The following DCC variants were observed in gnomAD, a reference collection of about 807,000 sequenced individuals.
The protein encoded by DCC is DCC netrin 1 receptor.
A neutral mutation model predicts 172.5 loss-of-function variants in DCC; 58 were observed. That is an observed-to-expected ratio of 0.34 (90% CI 0.27 to 0.42). The LOEUF is 0.42. DCC is among the 10% of genes least tolerant of loss of function. The pLI is 1.00. For missense variants in DCC, 1,740 were observed against 1,791.0 expected (o/e 0.97, Z 0.51); for synonymous variants, 709 against 644.5 (o/e 1.10, Z -1.52).
chr18:52,939,115 C>T (rs2040424149), intron 5 of DCC, among the ~76,000 whole-genome samples: 1 of 152,180 alleles, frequency 6.6e-6, no homozygotes. Flanking sequence ...ACCTTTCTAA[C>T]TTCATCACAT....
chr18:52,906,004 A>G (rs547350590), intron 2 of DCC, 40 bp from the exon 3 acceptor site: 1 of 1,356,184 alleles, frequency 7.4e-7, no homozygotes. Flanking sequence ...ATTGTGCTTT[A>G]TTTGGAAGAC....
intron 16 of DCC, 112 bp from the exon 17 acceptor site, chr18:53,391,543 A>T: frequency 1.4e-6 from 1 of 740,252 alleles, no homozygotes; most frequent in Admixed American, 1.9e-5. Flanking sequence ...CCCTTTCATC[A>T]TTATTGCCAT....
At chr18:53,078,185 G>A (rs1231928261) in intron 7 of DCC, among the ~76,000 whole-genome samples, 3 of 152,162 alleles carry the variant, frequency 2.0e-5, no homozygotes, top group South Asian at 4.2e-4. Flanking sequence ...CAGCTACTTG[G>A]GAGATTGAGA....
At chr18:52,363,768 A>G (rs937392972) in intron 1 of DCC, among the ~76,000 whole-genome samples, 1 of 152,198 alleles carries the variant, frequency 6.6e-6, no homozygotes, top group African/African-American at 2.4e-5. Flanking sequence ...AATATTTGCT[A>G]TCCAGGGCCT....
At chr18:52,968,195 A>T (rs542523795) in intron 5 of DCC, among the ~76,000 whole-genome samples, 1 of 152,292 alleles carries the variant, frequency 6.6e-6, no homozygotes, top group African/African-American at 2.4e-5. Flanking sequence ...ATGGATCACG[A>T]GATGGAGTTT....
At chr18:52,700,061 A>G (rs761714128) in intron 1 of DCC, among the ~76,000 whole-genome samples, 70 of 151,088 alleles carry the variant, frequency 4.6e-4, no homozygotes, top group Non-Finnish European at 7.1e-4. Flanking sequence ...AAAAAAAAAA[A>G]CACTCATTAA....
chr18:52,408,826 G>A (rs950552542), intron 1 of DCC, among the ~76,000 whole-genome samples: 1 of 152,032 alleles, frequency 6.6e-6, no homozygotes. Flanking sequence ...TAAACTATCT[G>A]TAAGGAATCT....
At chr18:52,575,286 C>T (rs1188532647) in intron 1 of DCC, among the ~76,000 whole-genome samples, 1 of 152,092 alleles carries the variant, frequency 6.6e-6, no homozygotes, top group African/African-American at 2.4e-5. Context: ...TAGTAAATTA[C>T]TAAAATATAC....
At chr18:52,667,160 T>G (rs1039527210) in intron 1 of DCC, among the ~76,000 whole-genome samples, 59 of 152,178 alleles carry the variant, frequency 3.9e-4, no homozygotes, top group African/African-American at 1.4e-3. Flanking sequence ...CAGGCTTGTG[T>G]GCAGGAAGAT....
chr18:53,531,865 A>C lies in DCC; in HGVS notation c.*1212A>C, dbSNP rs903705359. On this transcript the variant is annotated 3_prime_UTR_variant, in exon 29 of 29. Coordinates refer to ENST00000442544, the MANE Select transcript of DCC (RefSeq NM_005215.4). ...AGGGGGAAGCAGAGGGGCAGGTGCC[A>C]CCTGACACTTCCGACATGTAAATCC... The C allele has an allele frequency of 6.6e-6, 1 of 152,242 alleles. No homozygotes were observed. The highest frequency in any genetic ancestry group is 2.4e-5 in the African/African-American group (1 of 41,458). 9.4% of individuals were successfully genotyped at this position (152,242 alleles called of 1,614,324 possible).
chr18:52,512,445 G>A (rs576386346), intron 1 of DCC, among the ~76,000 whole-genome samples: 5 of 152,284 alleles, frequency 3.3e-5, no homozygotes, highest in Admixed American at 1.3e-4. Flanking sequence ...CTCGCCCACT[G>A]AAGTTCTTTC....
rs1173767240 is a variant in DCC, at chr18:52,561,316, C to CTGCCT, written c.92-190738_92-190737insTGCCT. Among the ~76,000 whole-genome samples, 3 of 150,858 alleles carry CTGCCT rather than the reference C, an allele frequency of 2.0e-5. No individual in the cohort carries two copies. The East Asian group carries it at 5.8e-4, about 29-fold the overall frequency. ...TGTGTATGTGTATATAGGCAGAGAT[C>CTGCCT]AATATGTGTATATATAATAGATATT... On this transcript the variant is annotated intron_variant, in intron 1 of 28. Coordinates refer to ENST00000442544, the MANE Select transcript of DCC (RefSeq NM_005215.4).
At chr18:53,314,827 G>A (rs117055768) in intron 13 of DCC, among the ~76,000 whole-genome samples, 2,753 of 152,250 alleles carry the variant, frequency 0.018, 38 homozygotes, top group Middle Eastern at 0.051. Context: ...CCCTGCAGAT[G>A]TAATAGAAAG....
intron 1 of DCC, among the ~76,000 whole-genome samples, chr18:52,614,829 G>C (rs2034349879): frequency 6.6e-6 from 1 of 152,090 alleles, no homozygotes; most frequent in South Asian, 2.1e-4. Flanking sequence ...TCAGCTGATG[G>C]TATCAGGGGA....
chr18:52,919,425 C>T (rs982162441), intron 3 of DCC, among the ~76,000 whole-genome samples: 1 of 152,144 alleles, frequency 6.6e-6, no homozygotes, highest in Admixed American at 6.6e-5. Context: ...ACTATTTGAA[C>T]TTATCAAATG....
intron 1 of DCC, among the ~76,000 whole-genome samples, chr18:52,430,463 C>T (rs890285699): frequency 1.3e-5 from 2 of 152,044 alleles, no homozygotes; most frequent in African/African-American, 4.8e-5. Context: ...CTCGGAGGTT[C>T]TTGCCTAAGG....
chr18:53,390,920 G>A (rs1303030659), intron 16 of DCC, among the ~76,000 whole-genome samples: 1 of 152,150 alleles, frequency 6.6e-6, no homozygotes, highest in East Asian at 1.9e-4. Context: ...GTGAGAATGT[G>A]GGTAAAATCA....
chr18:52,361,215 G>A (rs1033169685), intron 1 of DCC, among the ~76,000 whole-genome samples: 3 of 152,150 alleles, frequency 2.0e-5, no homozygotes, highest in Non-Finnish European at 2.9e-5. Flanking sequence ...ACATAAATGT[G>A]TGAGTTTGAG....
At chr18:52,401,171 C>T (rs886068089) in intron 1 of DCC, among the ~76,000 whole-genome samples, 1 of 151,898 alleles carries the variant, frequency 6.6e-6, no homozygotes, top group African/African-American at 2.4e-5. Flanking sequence ...GCCCTTGAAA[C>T]CCAGAAGAAA....
Sources: allele counts gnomAD v4.1 joint callset (sites outside exome capture counted in the v4.1 genomes callset), GRCh38; gene constraint gnomAD v4.1.1; transcripts MANE v1.5; gene names NCBI Gene and HGNC (gene_info 2026-07-23, HGNC 2026-07-21).